PC: variants seen among roughly 807,000 people sequenced by gnomAD.
PC encodes pyruvate carboxylase.
In PC, 46 loss-of-function variants were observed where a neutral mutation model predicts 107.8. That is an observed-to-expected ratio of 0.43 (90% CI 0.34 to 0.55). The LOEUF is 0.55. Among genes scored for constraint, PC ranks in the 20% least tolerant of loss-of-function variants. The pLI is 0.04. For missense variants in PC, 1,241 were observed against 1,643.1 expected, an observed-to-expected ratio of 0.76 and a Z score of 4.23; for synonymous variants, 662 against 684.7, an observed-to-expected ratio of 0.97 and a Z score of 0.52.
At position 66,848,858 on chromosome 11, in the gene PC, T is replaced by G; in HGVS notation, c.*41A>C. On this transcript the variant is annotated 3_prime_UTR_variant, in exon 23 of 23. Transcript: ENST00000393960. Reference sequence around the variant, plus strand: ...CCTGCCGTGGCAGCACAGCTTCTGTTGAAGGCTTGGGGATGGCCAGGCTGC... The same window carrying G: ...CCTGCCGTGGCAGCACAGCTTCTGTGGAAGGCTTGGGGATGGCCAGGCTGC... 2.5e-6 allele frequency: 4 copies of G among 1,612,804 alleles called. No homozygotes were observed. The highest frequency in any genetic ancestry group is 3.4e-6 in the Non-Finnish European group (4 of 1,179,948).
At chr11:66,879,788 G>A (rs1175385945) in intron 3 of PC, among the ~76,000 whole-genome samples, 1 of 152,208 alleles carries the variant, frequency 6.6e-6, no homozygotes, top group Non-Finnish European at 1.5e-5. Flanking sequence ...TCTGAGACAG[G>A]AGGCAGTCAG....
Position 66,870,575 on chromosome 11 carries a change from C to A in PC, c.752-122G>T. 1 of 1,219,598 alleles carries A rather than the reference C, an allele frequency of 8.2e-7. No individual in the cohort carries two copies. 75.5% of individuals were successfully genotyped at this position (1,219,598 alleles called of 1,614,324 possible). ...CCGGCTGCCAGCGGTACAGAGGCTGCCAGGAGAGACACCAGCATCACCAAG... is the reference window on the plus strand; with the variant it reads ...CCGGCTGCCAGCGGTACAGAGGCTGACAGGAGAGACACCAGCATCACCAAG... On this transcript the variant is annotated intron_variant, in intron 8 of 22. Transcript: ENST00000393960. This position sits in a 1 kb window ranked among gnomAD's most constrained non-coding sequence, Gnocchi z 6.1.
At chr11:66,896,418 G>A (rs1248153990) in intron 3 of PC, among the ~76,000 whole-genome samples, 2 of 152,190 alleles carry the variant, frequency 1.3e-5, no homozygotes, top group Non-Finnish European at 2.9e-5. Context: ...TATCAACCAT[G>A]TATGAAAGTA....
chr11:66,858,832 G>A lies in PC; in HGVS notation c.1368+4942C>T, dbSNP rs751232106. 22 of 1,551,200 alleles carry A rather than the reference G, an allele frequency of 1.4e-5. No homozygotes were observed. The highest frequency in any genetic ancestry group is 4.1e-5 in the African/African-American group (3 of 73,182). ...AACCCTGCTGGTGAGGCCACAGCCC[G>A]AGTAGAACTGCGGGTGCTGGCCTTG... is the stretch of plus-strand genomic sequence containing the variant. On this transcript the variant is annotated intron_variant, in intron 12 of 22. Transcript: ENST00000393960. The surrounding 1 kb of genome is among the most constrained non-coding windows in gnomAD (Gnocchi z 5.9).
rs114433027 is a variant in PC at position 66,866,580 on chromosome 11, T to C, written c.1023-231A>G. On this transcript the variant is annotated intron_variant, in intron 10 of 22. Coordinates refer to ENST00000393960, the MANE Select transcript of PC (RefSeq NM_001040716.2). The surrounding 1 kb of genome is among the most constrained non-coding windows in gnomAD (Gnocchi z 5.4). ...CTACACAGTGCCTGGCAGCTGGAGA[T>C]GGCCCGCTGAAATACCAGGACCACC... Among the ~76,000 whole-genome samples the C allele has an allele frequency of 9.2e-3, 1,398 of 152,234 alleles. 27 individuals carry two copies. Among genetic ancestry groups the C allele is most frequent in the African/African-American group, 0.031 (1,293 of 41,536 alleles).
chr11:66,875,293 G>A (rs1000743835), intron 3 of PC, among the ~76,000 whole-genome samples: 1 of 152,172 alleles, frequency 6.6e-6, no homozygotes, highest in African/African-American at 2.4e-5. Context: ...GACAAGATTC[G>A]TCGAGAGACC....
intron 11 of PC, among the ~76,000 whole-genome samples, chr11:66,865,220 C>T (rs894861553): frequency 6.6e-6 from 1 of 152,190 alleles, no homozygotes; most frequent in Non-Finnish European, 1.5e-5. Context: ...CTGGTCCCTA[C>T]CCCCAGCCTC....
At chr11:66,941,183 T>C (rs1001216494) in intron 3 of PC, among the ~76,000 whole-genome samples, 6 of 151,600 alleles carry the variant, frequency 4.0e-5, no homozygotes, top group Non-Finnish European at 7.4e-5. Context: ...GGATGGCTAC[T>C]ATCAAAACAA....
intron 12 of PC, chr11:66,860,752 A>T: frequency 1.4e-6 from 1 of 699,098 alleles, no homozygotes; most frequent in Non-Finnish European, 2.6e-6. Flanking sequence ...TGGCGACAGG[A>T]CGCCGTATCC....
chr11:66,882,055 C>T (rs1286267715), intron 3 of PC, among the ~76,000 whole-genome samples: 1 of 152,214 alleles, frequency 6.6e-6, no homozygotes, highest in Non-Finnish European at 1.5e-5. Flanking sequence ...CGAGAGCTGA[C>T]GAACAATGTC....
At chr11:66,855,156 G>C (rs1214233394) in intron 12 of PC, among the ~76,000 whole-genome samples, 1 of 152,182 alleles carries the variant, frequency 6.6e-6, no homozygotes, top group Non-Finnish European at 1.5e-5. Context: ...GTCATGTGGA[G>C]GGTCCCCACT....
intron 3 of PC, among the ~76,000 whole-genome samples, chr11:66,904,656 A>C (rs541314753): frequency 1.5e-4 from 23 of 152,320 alleles, no homozygotes; most frequent in South Asian, 6.2e-4. Context: ...CACACACACA[A>C]AAAGACACGA....
At chr11:66,939,259 T>C (rs1237599819) in intron 3 of PC, among the ~76,000 whole-genome samples, 1 of 152,206 alleles carries the variant, frequency 6.6e-6, no homozygotes, top group Non-Finnish European at 1.5e-5. Flanking sequence ...TTACATTGGA[T>C]TGGGTATTTT....
chr11:66,887,191 C>T (rs897133963), intron 3 of PC, among the ~76,000 whole-genome samples: 8 of 152,168 alleles, frequency 5.3e-5, no homozygotes, highest in South Asian at 2.1e-4. Flanking sequence ...CATCTCCCAG[C>T]GAGAGGACCA....
chr11:66,956,477 C>T (rs541282393), intron 1 of PC, among the ~76,000 whole-genome samples: 1 of 152,220 alleles, frequency 6.6e-6, no homozygotes, highest in Non-Finnish European at 1.5e-5. Flanking sequence ...CCCAGCTACT[C>T]AGGATGCTGA....
At chr11:66,874,694 A>G (rs1946906346) in intron 3 of PC, among the ~76,000 whole-genome samples, 1 of 152,228 alleles carries the variant, frequency 6.6e-6, no homozygotes. Flanking sequence ...AGGAGTCGAG[A>G]ACACAACAGT....
chr11:66,883,962 G>A (rs1346928440), intron 3 of PC, among the ~76,000 whole-genome samples: 3 of 152,082 alleles, frequency 2.0e-5, no homozygotes, highest in African/African-American at 2.4e-5. Flanking sequence ...TTAGCTGGGT[G>A]TGGCCTGGCA....
intron 3 of PC, among the ~76,000 whole-genome samples, chr11:66,918,895 T>C (rs1351545426): frequency 6.6e-6 from 1 of 152,004 alleles, no homozygotes; most frequent in Non-Finnish European, 1.5e-5. Flanking sequence ...CATTCAGAAC[T>C]TCTCCCTGGA....
At chr11:66,867,085 C>CA (rs1268148112) in intron 10 of PC, among the ~76,000 whole-genome samples, 15 of 152,212 alleles carry the variant, frequency 9.9e-5, no homozygotes, top group Admixed American at 9.8e-4. Flanking sequence ...AAAAACAAAA[C>CA]AAACAAACAA....
Sources: allele counts gnomAD v4.1 joint callset (sites outside exome capture counted in the v4.1 genomes callset), GRCh38; gene constraint gnomAD v4.1.1; non-coding constraint Gnocchi (gnomAD v3.1); transcripts MANE v1.5; gene names NCBI Gene and HGNC (gene_info 2026-07-23, HGNC 2026-07-21).